The following SYNDIG1L variants were observed in gnomAD, a reference collection of about 807,000 sequenced individuals.
The protein encoded by SYNDIG1L is synapse differentiation inducing 1 like, also known as synapse differentiation-inducing gene protein 1-like.
In SYNDIG1L, 13 loss-of-function variants were observed where a neutral mutation model predicts 20.1. The ratio of observed to expected loss-of-function variants is 0.65; its 90% confidence interval spans 0.42 to 1.03. The LOEUF is 1.03. SYNDIG1L is among the 50% of genes least tolerant of loss of function. The pLI is 0.00. For synonymous variants in SYNDIG1L, 128 were observed against 129.3 expected (o/e 0.99, Z 0.07); for missense variants, 294 against 305.1 (o/e 0.96, Z 0.27).
rs367943358 is a variant in SYNDIG1L at position 74,422,602 on chromosome 14, C to T, written c.-58+3310G>A. Among the ~76,000 whole-genome samples the T allele has an allele frequency of 1.5e-4, 23 of 151,286 alleles. 1 individual carries two copies. The East Asian group carries it at 1.8e-3, about 12-fold the overall frequency. ...TGCTTCTGCCATTTTGTGTGTATCACGCAGGGGAAGGGACCTGCATGTGTG... is the reference window on the plus strand; with the variant it reads ...TGCTTCTGCCATTTTGTGTGTATCATGCAGGGGAAGGGACCTGCATGTGTG... On this transcript the variant is annotated intron_variant, in intron 1 of 3. Transcript: ENST00000331628.
the SYNDIG1L span, chr14:74,476,595 G>A: frequency 1.3e-6 from 2 of 1,534,020 alleles, no homozygotes; most frequent in Non-Finnish European, 1.7e-6. Context: ...GGGAACATCT[G>A]CAGAAAGTAG....
chr14:74,454,387 A>G, the SYNDIG1L span, among the ~76,000 whole-genome samples: 1 of 152,184 alleles, frequency 6.6e-6, no homozygotes, highest in African/African-American at 2.4e-5. Context: ...TATCAGTTCA[A>G]AGGAGAACTG....
At chr14:74,438,734 G>C in the SYNDIG1L span, among the ~76,000 whole-genome samples, 4 of 152,202 alleles carry the variant, frequency 2.6e-5, no homozygotes, top group Admixed American at 1.3e-4. Flanking sequence ...GGGGAAGAAT[G>C]TTCTGTTATC....
chr14:74,450,588 ATCT>A, the SYNDIG1L span, among the ~76,000 whole-genome samples: 1 of 152,162 alleles, frequency 6.6e-6, no homozygotes, highest in East Asian at 1.9e-4. Context: ...AAATTATAAG[ATCT>A]TCTCAATAGA....
the SYNDIG1L span, among the ~76,000 whole-genome samples, chr14:74,443,704 C>T: frequency 6.6e-6 from 1 of 152,180 alleles, no homozygotes. Flanking sequence ...TATTCTACAA[C>T]CACAAAATGC....
intron 1 of SYNDIG1L, 138 bp from the exon 2 acceptor site, chr14:74,409,939 C>A (rs1026846560): frequency 1.7e-6 from 1 of 595,304 alleles, no homozygotes. Context: ...GGACCTGGAA[C>A]TGGCTACTTC....
the SYNDIG1L span, among the ~76,000 whole-genome samples, chr14:74,434,917 T>TA: frequency 0.88 from 115,221 of 130,642 alleles, 50,826 homozygotes; most frequent in East Asian, 0.99. Flanking sequence ...CCATCTCTAC[T>TA]AAAAAAAAAA....
chr14:74,415,751 G>C (rs1346578858), intron 1 of SYNDIG1L, among the ~76,000 whole-genome samples: 1 of 151,928 alleles, frequency 6.6e-6, no homozygotes, highest in African/African-American at 2.4e-5. Context: ...ATGTTTCCCA[G>C]GCTGTTCTCA....
the SYNDIG1L span, among the ~76,000 whole-genome samples, chr14:74,440,688 GA>G: frequency 7.5e-3 from 1,027 of 136,386 alleles, 12 homozygotes; most frequent in African/African-American, 0.022. Flanking sequence ...CTGTCTAAAA[GA>G]AAAAAAAAAA....
the SYNDIG1L span, among the ~76,000 whole-genome samples, chr14:74,470,478 G>GGACAC: frequency 6.6e-6 from 1 of 152,166 alleles, no homozygotes; most frequent in Admixed American, 6.6e-5. Flanking sequence ...GAATGAATAG[G>GGACAC]GACACAATGC....
the SYNDIG1L span, among the ~76,000 whole-genome samples, chr14:74,449,438 C>CAAAAAAAAAAAAAAAAAAAAAAAAAAA: frequency 2.9e-5 from 1 of 34,000 alleles, no homozygotes; most frequent in Non-Finnish European, 5.5e-5. Context: ...CCTGTCTTTA[C>CAAAAAAAAAAAAAAAAAAAAAAAAAAA]AAAAAAAAAA....
the SYNDIG1L span, among the ~76,000 whole-genome samples, chr14:74,439,829 A>C: frequency 1.3e-5 from 2 of 151,502 alleles, no homozygotes; most frequent in Non-Finnish European, 2.9e-5. Context: ...TGGTGAGCCA[A>C]GATCGTGCCA....
At chr14:74,473,917 G>A in the SYNDIG1L span, 473 of 152,310 alleles carry the variant, frequency 3.1e-3, 3 homozygotes, top group Non-Finnish European at 4.7e-3. Flanking sequence ...TGCAGTCAAA[G>A]AAAGGCATTC....
At chr14:74,432,810 C>T in the SYNDIG1L span, among the ~76,000 whole-genome samples, 7 of 151,716 alleles carry the variant, frequency 4.6e-5, no homozygotes, top group Non-Finnish European at 7.4e-5. Context: ...GTCGAGATTG[C>T]ACCACTGCAC....
At chr14:74,447,456 G>A in the SYNDIG1L span, among the ~76,000 whole-genome samples, 22 of 152,114 alleles carry the variant, frequency 1.4e-4, 1 homozygote, top group Admixed American at 1.0e-3. Context: ...GAGTGGTGGC[G>A]CACGCCTGTA....
intron 1 of SYNDIG1L, among the ~76,000 whole-genome samples, chr14:74,417,791 TC>T (rs1331363253): frequency 4.6e-5 from 7 of 152,080 alleles, no homozygotes; most frequent in Non-Finnish European, 1.0e-4. Flanking sequence ...GAGGAGTTGA[TC>T]TTGAATGAGT....
chr14:74,424,001 G>C (rs2086245626), intron 1 of SYNDIG1L, among the ~76,000 whole-genome samples: 1 of 152,060 alleles, frequency 6.6e-6, no homozygotes, highest in Non-Finnish European at 1.5e-5. Context: ...ATAAGAGAGG[G>C]GGTTCTTAAG....
chr14:74,412,043 G>A (rs536232416), intron 1 of SYNDIG1L, among the ~76,000 whole-genome samples: 14 of 152,352 alleles, frequency 9.2e-5, no homozygotes, highest in Middle Eastern at 3.4e-3. Flanking sequence ...GAGATAGGGC[G>A]CACAGGCTTG....
the SYNDIG1L span, among the ~76,000 whole-genome samples, chr14:74,445,099 G>C: frequency 2.6e-5 from 4 of 152,068 alleles, no homozygotes; most frequent in African/African-American, 9.7e-5. Context: ...TGGTAACTCC[G>C]TTCTCACTCT....
Sources: gnomAD v4.1 joint callset for allele counts (sites outside exome capture counted in the v4.1 genomes callset) on GRCh38, gnomAD v4.1.1 for gene constraint, MANE v1.5 for transcripts, NCBI Gene and HGNC (gene_info 2026-07-23, HGNC 2026-07-21) for gene names.